POLD3: variants seen among roughly 807,000 people sequenced by gnomAD.
POLD3 encodes the protein DNA polymerase delta 3, accessory subunit.
POLD3 carries 19 observed loss-of-function variants against 58.2 expected under a neutral mutation model. That is an observed-to-expected ratio of 0.33 (90% CI 0.23 to 0.48). The LOEUF is 0.48. Among genes scored for constraint, POLD3 ranks in the 20% least tolerant of loss-of-function variants. The probability of loss-of-function intolerance (pLI) is 0.99; values close to 1 mark genes in which losing one functional copy is unlikely to be tolerated. For missense variants in POLD3, 504 were observed against 545.5 expected, an observed-to-expected ratio of 0.92 and a Z score of 0.76; for synonymous variants, 172 against 193.5, an observed-to-expected ratio of 0.89 and a Z score of 0.92.
chr11:74,631,685 T>C (rs1283736442), intron 9 of POLD3, among the ~76,000 whole-genome samples: 2 of 152,106 alleles, frequency 1.3e-5, no homozygotes, highest in Non-Finnish European at 2.9e-5. Context: ...GGTTTCACCA[T>C]GTTGGCCACG....
In POLD3 at chr11:74,641,890, A is replaced by C; in HGVS notation, c.*1124A>C. On this transcript the variant is annotated 3_prime_UTR_variant, in exon 12 of 12. Transcript: ENST00000263681. The stretch of plus-strand genomic sequence containing the variant: ...TGTTAGTAGGTCTAAACATCAAAGA[A>C]AACATTTTTATTAGTTACTTATGGA... 1 of 985,312 alleles carries C rather than the reference A, an allele frequency of 1.0e-6. No homozygotes were observed. The highest frequency in any genetic ancestry group is 1.2e-6 in the Non-Finnish European group (1 of 829,804). The allele number at this position is 985,312 out of a possible 1,614,324, so 61.0% of individuals were successfully genotyped here.
intron 2 of POLD3, among the ~76,000 whole-genome samples, chr11:74,598,992 C>T (rs1238596506): frequency 2.0e-5 from 3 of 152,190 alleles, no homozygotes; most frequent in African/African-American, 7.2e-5. Context: ...GTGTCAGGCA[C>T]ATAATGAATG....
intron 7 of POLD3, among the ~76,000 whole-genome samples, chr11:74,624,358 A>G (rs892432083): frequency 2.6e-5 from 4 of 152,218 alleles, no homozygotes; most frequent in Non-Finnish European, 5.9e-5. Context: ...TCAAGTCTTC[A>G]GGAAAAAGAA....
Position 74,634,588 on chromosome 11 carries a change from C to G in POLD3, c.1012C>G (p.Pro338Ala). Reference sequence around the variant, plus strand: ...AGTCCGTTTCATTATTTCAGTCTTTCCAGACTCTCCTGGGGCTTATGAAGC... The same window carrying G: ...AGTCCGTTTCATTATTTCAGTCTTTGCAGACTCTCCTGGGGCTTATGAAGC... ...ESDSSEDEVF[P>A]DSPGAYEAES... The change falls in exon 10 of 12, where the codon CCA (proline) becomes GCA (alanine). Residue 338 changes from proline to alanine, a missense_variant. Physicochemically the swap from Pro to Ala is conservative, Grantham distance 27. Transcript: ENST00000263681. The G allele has an allele frequency of 6.3e-7, 1 of 1,582,594 alleles. No homozygotes were observed. The highest frequency in any genetic ancestry group is 8.7e-7 in the Non-Finnish European group (1 of 1,151,414).
intron 8 of POLD3, 62 bp downstream of exon 8, chr11:74,625,635 G>A (rs185339104): frequency 7.1e-7 from 1 of 1,408,274 alleles, no homozygotes; most frequent in African/African-American, 1.5e-5. Flanking sequence ...GGTCTCTTTG[G>A]GCTTATTGAC....
At chr11:74,643,261 G>A (rs2032958844), downstream of POLD3, among the ~76,000 whole-genome samples, 1 of 152,320 alleles carries the variant, frequency 6.6e-6, no homozygotes, top group Non-Finnish European at 1.5e-5. Context: ...GTAAAAAGGG[G>A]AAGATAGTTG....
chr11:74,594,362 A>C (rs1178401494), intron 2 of POLD3, among the ~76,000 whole-genome samples: 1 of 152,190 alleles, frequency 6.6e-6, no homozygotes, highest in African/African-American at 2.4e-5. Context: ...TGAATTACGA[A>C]TCCACCCTAC....
chr11:74,647,555 A>G (rs193057273), downstream of POLD3, among the ~76,000 whole-genome samples: 6 of 152,296 alleles, frequency 3.9e-5, no homozygotes, highest in East Asian at 1.2e-3. Context: ...ACTTTCCCAC[A>G]GTATAGCAAC....
At chr11:74,606,811 A>G (rs779629658) in intron 3 of POLD3, among the ~76,000 whole-genome samples, 1 of 152,234 alleles carries the variant, frequency 6.6e-6, no homozygotes, top group East Asian at 1.9e-4. Context: ...AAACTAAGCC[A>G]TGGCTTGCTT....
chr11:74,649,084 G>T (rs546552755), intron 4 of POLD3, among the ~76,000 whole-genome samples: 20 of 152,170 alleles, frequency 1.3e-4, no homozygotes, highest in Non-Finnish European at 2.2e-4. Flanking sequence ...TGGTTCCACG[G>T]TTTCACCAAG....
chr11:74,622,940 C>T (rs531052073), intron 7 of POLD3, among the ~76,000 whole-genome samples: 71 of 152,292 alleles, frequency 4.7e-4, no homozygotes, highest in African/African-American at 1.6e-3. Context: ...ATCCAAAAGT[C>T]TGTCATCTGA....
chr11:74,658,850 G>A (rs530304524), intron 4 of POLD3, among the ~76,000 whole-genome samples: 6 of 152,142 alleles, frequency 3.9e-5, no homozygotes, highest in African/African-American at 1.4e-4. Context: ...TTCATGGGCT[G>A]GCATTGAGTG....
In POLD3 at chr11:74,642,062, C is replaced by T. The variant is rs3824998; in HGVS notation, c.*1296C>T. 8.8e-4 allele frequency: 864 copies of T among 985,392 alleles called. 16 individuals are homozygous for T. In the East Asian group the frequency reaches 0.043, roughly 50 times the overall value. The allele number at this position is 985,392 out of a possible 1,614,324, so 61.0% of individuals were successfully genotyped here. On this transcript the variant is annotated 3_prime_UTR_variant, in exon 12 of 12. Transcript: ENST00000263681. ...GGCTCAACTGCTGATGTGTCTCACA[C>T]GTAGCAGACAAGGGGTGTCTGACTG...
intron 4 of POLD3, among the ~76,000 whole-genome samples, chr11:74,655,422 C>G (rs1461250928): frequency 6.6e-6 from 1 of 152,192 alleles, no homozygotes. Context: ...ACTATATTAT[C>G]TAAAATATCC....
intron 4 of POLD3, among the ~76,000 whole-genome samples, chr11:74,657,865 C>G (rs928741129): frequency 2.0e-5 from 3 of 152,106 alleles, no homozygotes; most frequent in African/African-American, 7.2e-5. Context: ...CTTTGAAAGT[C>G]TTTATTTCTC....
intron 7 of POLD3, among the ~76,000 whole-genome samples, chr11:74,624,147 A>G: frequency 6.6e-6 from 1 of 152,240 alleles, no homozygotes; most frequent in Non-Finnish European, 1.5e-5. Flanking sequence ...CAAAATTTGC[A>G]TAAATTTTAA....
chr11:74,611,262 G>A (rs1041208792), intron 3 of POLD3, among the ~76,000 whole-genome samples: 8 of 152,102 alleles, frequency 5.3e-5, no homozygotes, highest in Admixed American at 5.2e-4. Flanking sequence ...TGAAATCTGT[G>A]CTAGATCACT....
chr11:74,618,824 A>G lies in POLD3; in HGVS notation c.660+20A>G, dbSNP rs755623903. ...ACAAATGTAAGTCTTCTTTGAAGATACCCCTTCATTGCAGCTCAGAGTGGG... is the reference window on the plus strand; with the variant it reads ...ACAAATGTAAGTCTTCTTTGAAGATGCCCCTTCATTGCAGCTCAGAGTGGG... On this transcript the variant is annotated intron_variant, in intron 6 of 11. Coordinates refer to ENST00000263681, the MANE Select transcript of POLD3 (RefSeq NM_006591.3). The G allele has an allele frequency of 6.3e-6, 10 of 1,596,374 alleles. No individual in the cohort carries two copies. The African/African-American group carries it at 1.3e-4, about 21-fold the overall frequency.
intron 5 of POLD3, among the ~76,000 whole-genome samples, chr11:74,615,120 T>C (rs1321693969): frequency 6.6e-6 from 1 of 152,216 alleles, no homozygotes; most frequent in African/African-American, 2.4e-5. Flanking sequence ...AAGTACTAGT[T>C]GTCTGACCTT....
Sources: gnomAD v4.1 joint callset for allele counts (sites outside exome capture counted in the v4.1 genomes callset) on GRCh38, gnomAD v4.1.1 for gene constraint, MANE v1.5 for transcripts, NCBI Gene and HGNC (gene_info 2026-07-23, HGNC 2026-07-21) for gene names.